Variants in PI4K2A observed in about 807,000 individuals in gnomAD.
The protein encoded by PI4K2A is phosphatidylinositol 4-kinase type 2-alpha.
A neutral mutation model predicts 55.0 loss-of-function variants in PI4K2A; 20 were observed. The ratio of observed to expected loss-of-function variants is 0.36; its 90% CI spans 0.26 to 0.53. PI4K2A has a LOEUF of 0.53. Ranked by LOEUF, PI4K2A falls within the 20% of genes least tolerant of loss-of-function variation. The pLI, the probability that PI4K2A is intolerant of heterozygous loss-of-function variation, is 0.91. For synonymous variants in PI4K2A, 235 were observed against 258.5 expected, an observed-to-expected ratio of 0.91 and a Z score of 0.87; for missense variants, 463 against 637.1, an observed-to-expected ratio of 0.73 and a Z score of 2.94.
chr10:97,648,338 C>G (rs1417425245), intron 1 of PI4K2A, among the ~76,000 whole-genome samples: 3 of 151,954 alleles, frequency 2.0e-5, no homozygotes, highest in Admixed American at 6.6e-5. Context: ...GTGATCCACC[C>G]TCCTTGGCCT....
At chr10:97,640,946 G>C in exon 1 of PI4K2A, 1 of 1,397,658 alleles carries the variant, frequency 7.2e-7, no homozygotes, top group Non-Finnish European at 9.2e-7. Flanking sequence ...CCCGGGGCGC[G>C]GCGGCCCAGG....
chr10:97,642,887 T>TTCTTTCTG (rs2041484109), intron 1 of PI4K2A, among the ~76,000 whole-genome samples: 1 of 116,266 alleles, frequency 8.6e-6, no homozygotes, highest in African/African-American at 3.5e-5. Context: ...CTTTCTTTCT[T>TTCTTTCTG]CCTTCCTTCC....
chr10:97,666,646 C>G, intron 7 of PI4K2A, 75 bp downstream of exon 7: 1 of 1,341,468 alleles, frequency 7.5e-7, no homozygotes, highest in Non-Finnish European at 1.0e-6. Flanking sequence ...TTGGTCCTGA[C>G]AAAAGCCAAG....
At chr10:97,654,179 T>C (rs1375395143) in intron 2 of PI4K2A, among the ~76,000 whole-genome samples, 3 of 152,206 alleles carry the variant, frequency 2.0e-5, no homozygotes, top group Non-Finnish European at 4.4e-5. Flanking sequence ...GTTATGATAG[T>C]TTCATTAGTC....
chr10:97,652,377 C>G (rs2041533381), intron 2 of PI4K2A, among the ~76,000 whole-genome samples: 1 of 152,070 alleles, frequency 6.6e-6, no homozygotes, highest in South Asian at 2.1e-4. Flanking sequence ...CTCACTGCAG[C>G]CTTGACCTCC....
At chr10:97,660,127 G>A (rs1160487217) in intron 4 of PI4K2A, among the ~76,000 whole-genome samples, 2 of 148,514 alleles carry the variant, frequency 1.3e-5, no homozygotes. Flanking sequence ...TCAGCCTCCC[G>A]AGTAGCTGGG....
At chr10:97,659,071 A>G (rs773754452) in intron 4 of PI4K2A, among the ~76,000 whole-genome samples, 5 of 152,182 alleles carry the variant, frequency 3.3e-5, no homozygotes, top group Non-Finnish European at 7.3e-5. Flanking sequence ...GTTATGCTCT[A>G]TTGTCCAGGC....
At chr10:97,640,786 C>A in exon 1 of PI4K2A, 1 of 1,511,292 alleles carries the variant, frequency 6.6e-7, no homozygotes, top group Non-Finnish European at 8.9e-7. Flanking sequence ...CGGGCCCAAC[C>A]CCCGGACTAC....
At chr10:97,671,558 T>G (rs1215574659) in intron 8 of PI4K2A, among the ~76,000 whole-genome samples, 1 of 152,120 alleles carries the variant, frequency 6.6e-6, no homozygotes, top group Non-Finnish European at 1.5e-5. Context: ...AAGTAAAACA[T>G]TTATTTAAAA....
chr10:97,673,942 G>A (rs2041648430), exon 9 of PI4K2A: 1 of 558,692 alleles, frequency 1.8e-6, no homozygotes, highest in South Asian at 2.4e-5. Flanking sequence ...CCCTTCTGAT[G>A]TGGGGGAGGC....
intron 2 of PI4K2A, among the ~76,000 whole-genome samples, chr10:97,653,732 CAG>C (rs759202759): frequency 6.6e-6 from 1 of 152,218 alleles, no homozygotes; most frequent in Admixed American, 6.5e-5. Context: ...GCCTGGCCAA[CAG>C]GGTGAAACCC....
Position 97,670,203 on chromosome 10 carries a change from C to CT in PI4K2A, c.1278+3083_1278+3084insT, listed in dbSNP as rs2041628517. ...GCATGTGCCACCACATCCAGCCCAA[C>CT]ATTTTCAAAGATAGTATTTATTCTT... On this transcript the variant is annotated intron_variant, in intron 8 of 8. Transcript: ENST00000370631. Among the ~76,000 whole-genome samples, 9 of 152,342 alleles carry CT rather than the reference C, an allele frequency of 5.9e-5. No individual in the cohort carries two copies. In the South Asian group the frequency reaches 1.9e-3, roughly 32 times the overall value.
chr10:97,645,907 A>C (rs2041502783), intron 1 of PI4K2A, among the ~76,000 whole-genome samples: 1 of 151,912 alleles, frequency 6.6e-6, no homozygotes, highest in African/African-American at 2.4e-5. Flanking sequence ...ACTTGTAAAT[A>C]AGGCTTCTCT....
chr10:97,669,816 C>T (rs531358123), intron 8 of PI4K2A, among the ~76,000 whole-genome samples: 1 of 148,144 alleles, frequency 6.8e-6, no homozygotes, highest in Non-Finnish European at 1.5e-5. Flanking sequence ...GGGACACAGT[C>T]AGGTGATAGA....
At chr10:97,668,392 A>G (rs754698406) in intron 8 of PI4K2A, among the ~76,000 whole-genome samples, 14 of 152,200 alleles carry the variant, frequency 9.2e-5, no homozygotes, top group East Asian at 1.9e-4. Context: ...AGCCTGGGCA[A>G]CATGGTGAAA....
intron 5 of PI4K2A, among the ~76,000 whole-genome samples, chr10:97,664,675 GA>G (rs1234077255): frequency 6.6e-6 from 1 of 152,174 alleles, no homozygotes; most frequent in African/African-American, 2.4e-5. Flanking sequence ...ATAAGAACAG[GA>G]CTCTTGAACT....
Position 97,663,077 on chromosome 10 carries a change from C to T in PI4K2A, c.984+109C>T, listed in dbSNP as rs545516055. 50 of 754,092 alleles carry T rather than the reference C, an allele frequency of 6.6e-5. No individual in the cohort carries two copies. The South Asian group carries it at 7.1e-4, about 11-fold the overall frequency. 46.7% of individuals were successfully genotyped at this position (754,092 alleles called of 1,614,324 possible). A position where few individuals can be genotyped will look rare whatever the true frequency, so the allele number is the denominator to read the frequency against. On this transcript the variant is annotated intron_variant, in intron 5 of 8. Transcript: ENST00000370631. ...ATACAAGTTCAGAAGAATCGGGGGG[C>T]GCATATGTTTAAAATTAATAGGTTA...
chr10:97,667,218 C>CT (rs1258198484), intron 8 of PI4K2A, 98 bp downstream of exon 8: 915 of 728,060 alleles, frequency 1.3e-3, no homozygotes, highest in Non-Finnish European at 1.5e-3. Context: ...ATACCCCCCC[C>CT]TTTTTTTTTG....
At chr10:97,673,951 G>A in exon 9 of PI4K2A, 1 of 545,982 alleles carries the variant, frequency 1.8e-6, no homozygotes, top group Non-Finnish European at 3.3e-6. Flanking sequence ...TGTGGGGGAG[G>A]CTGGAGCTCC....
Sources: allele counts gnomAD v4.1 joint callset (sites outside exome capture counted in the v4.1 genomes callset), GRCh38; gene constraint gnomAD v4.1.1; transcripts MANE v1.5; gene names NCBI Gene and HGNC (gene_info 2026-07-23, HGNC 2026-07-21).